Variants in TVP23C observed in about 807,000 individuals in gnomAD.
TVP23C encodes Golgi apparatus membrane protein TVP23 homolog C.
In TVP23C, 19 loss-of-function variants were observed where a neutral mutation model predicts 28.7. That is an observed-to-expected ratio of 0.66 (90% confidence interval 0.46 to 0.97). The LOEUF is 0.97. Among genes scored for constraint, TVP23C ranks in the 50% least tolerant of loss-of-function variants. The pLI is 0.00. For missense variants in TVP23C, 186 were observed against 241.3 expected, an observed-to-expected ratio of 0.77 and a Z score of 1.52; for synonymous variants, 68 against 81.7, an observed-to-expected ratio of 0.83 and a Z score of 0.90.
At chr17:15,550,365 G>A (rs755580425) in intron 3 of TVP23C, among the ~76,000 whole-genome samples, 5 of 152,284 alleles carry the variant, frequency 3.3e-5, no homozygotes, top group African/African-American at 9.6e-5. Flanking sequence ...CTTTGGAGTA[G>A]AAAATGTAGG....
chr17:15,533,260 G>T (rs1343541934), downstream of TVP23C, among the ~76,000 whole-genome samples: 2 of 152,216 alleles, frequency 1.3e-5, no homozygotes, highest in Non-Finnish European at 2.9e-5. Context: ...ACGGTAATGT[G>T]TAATTCAATC....
In TVP23C at chr17:15,538,994, G is replaced by T. The variant is rs998276400; in HGVS notation, c.*1418C>A. The T allele has an allele frequency of 1.0e-6, 1 of 985,696 alleles. No homozygotes were observed. The highest frequency in any genetic ancestry group is 1.2e-6 in the Non-Finnish European group (1 of 829,832). 61.1% of individuals were successfully genotyped at this position (985,696 alleles called of 1,614,324 possible). Reference sequence around the variant, plus strand: ...AAAAGAACAATAAATTTTGAGTACAGAGGGCTGGGTTTAAGATCTAGCTTT... The same window carrying T: ...AAAAGAACAATAAATTTTGAGTACATAGGGCTGGGTTTAAGATCTAGCTTT... On this transcript the variant is annotated 3_prime_UTR_variant, in exon 6 of 6. Coordinates refer to ENST00000518321, the MANE Select transcript of TVP23C (RefSeq NM_001135036.2).
chr17:15,503,337 C>T, intron 5 of TVP23C: 1 of 1,367,794 alleles, frequency 7.3e-7, no homozygotes. Flanking sequence ...CCCAGGAAGT[C>T]GAAGCTGCAA....
intron 5 of TVP23C, among the ~76,000 whole-genome samples, chr17:15,530,279 T>C (rs992677786): frequency 6.6e-6 from 1 of 152,186 alleles, no homozygotes; most frequent in Non-Finnish European, 1.5e-5. Context: ...TCATTTTGAT[T>C]TCCTTCTTGT....
chr17:15,510,111 C>T (rs1003465557), intron 5 of TVP23C, among the ~76,000 whole-genome samples: 2 of 152,188 alleles, frequency 1.3e-5, no homozygotes, highest in African/African-American at 4.8e-5. Flanking sequence ...TGTGTCTCTG[C>T]ATCGCCCATG....
At chr17:15,541,597 T>A (rs1309756035) in intron 5 of TVP23C, among the ~76,000 whole-genome samples, 1 of 152,130 alleles carries the variant, frequency 6.6e-6, no homozygotes, top group Admixed American at 6.5e-5. Flanking sequence ...AGATTTATTC[T>A]CCTTACCCTT....
intron 5 of TVP23C, among the ~76,000 whole-genome samples, chr17:15,521,614 C>T (rs1982483600): frequency 1.3e-5 from 2 of 152,022 alleles, no homozygotes; most frequent in African/African-American, 4.8e-5. Context: ...AAGAGAACCA[C>T]GTATATAGAG....
At chr17:15,519,404 C>T (rs538425891) in intron 5 of TVP23C, among the ~76,000 whole-genome samples, 2 of 151,786 alleles carry the variant, frequency 1.3e-5, no homozygotes, top group Non-Finnish European at 2.9e-5. Flanking sequence ...CCCAGGAGTT[C>T]GAGGCTGCAG....
Position 15,522,742 on chromosome 17 carries a change from T to C in TVP23C, c.463-19510A>G, listed in dbSNP as rs150544493. ...TTGGCTACATTTTTAAAAAAACTTATATAAGTCAAAACACTCCTGGCCAAG... is the reference window on the plus strand; with the variant it reads ...TTGGCTACATTTTTAAAAAAACTTACATAAGTCAAAACACTCCTGGCCAAG... On this transcript the variant is annotated intron_variant, in intron 5 of 5. Transcript: ENST00000225576. Among the ~76,000 whole-genome samples, 257 of 152,278 alleles carry C rather than the reference T, an allele frequency of 1.7e-3. 1 individual carries two copies. Among genetic ancestry groups the C allele is most frequent in the African/African-American group, 5.5e-3 (227 of 41,566 alleles).
intron 4 of TVP23C, 106 bp from the exon 5 acceptor site, chr17:15,546,022 C>T (rs58269369): frequency 0.1 from 150,067 of 1,460,566 alleles, 7,944 homozygotes; most frequent in African/African-American, 0.13. Flanking sequence ...TATTAATACA[C>T]ATAGCCCAAC....
chr17:15,561,771 G>A (rs1421471181), intron 1 of TVP23C, among the ~76,000 whole-genome samples: 1 of 152,232 alleles, frequency 6.6e-6, no homozygotes, highest in Non-Finnish European at 1.5e-5. Context: ...TTCAATAGGA[G>A]CTGGGTAAAA....
exon 6 of TVP23C, chr17:15,503,177 G>A: frequency 6.3e-7 from 1 of 1,581,282 alleles, no homozygotes; most frequent in Non-Finnish European, 8.6e-7. Flanking sequence ...GGAAGCGGGA[G>A]GATCTCTTGA....
intron 3 of TVP23C, among the ~76,000 whole-genome samples, chr17:15,550,363 T>G (rs1983833721): frequency 6.6e-6 from 1 of 152,218 alleles, no homozygotes; most frequent in South Asian, 2.1e-4. Flanking sequence ...TTCTTTGGAG[T>G]AGAAAATGTA....
At chr17:15,552,048 C>G (rs1983917282) in intron 3 of TVP23C, among the ~76,000 whole-genome samples, 1 of 152,076 alleles carries the variant, frequency 6.6e-6, no homozygotes, top group Non-Finnish European at 1.5e-5. Flanking sequence ...TAAACCTTAT[C>G]AGAAAATAAA....
chr17:15,543,736 C>A (rs976446168), intron 5 of TVP23C, among the ~76,000 whole-genome samples: 1 of 151,302 alleles, frequency 6.6e-6, no homozygotes, highest in Non-Finnish European at 1.5e-5. Context: ...CTGGAGCAGT[C>A]AACTTGTTTA....
At chr17:15,545,342 AGAG>A (rs1983595845) in intron 5 of TVP23C, among the ~76,000 whole-genome samples, 7 of 152,212 alleles carry the variant, frequency 4.6e-5, no homozygotes, top group Admixed American at 4.6e-4. Flanking sequence ...GACCTCATGA[AGAG>A]GAGATGGCTC....
At chr17:15,534,101 C>T (rs1286358933), downstream of TVP23C, among the ~76,000 whole-genome samples, 5 of 152,182 alleles carry the variant, frequency 3.3e-5, no homozygotes, top group East Asian at 9.7e-4. Flanking sequence ...AATCAGCTTC[C>T]AGCTGACAGC....
Position 15,539,628 on chromosome 17 carries a change from T to C in TVP23C, c.*784A>G, listed in dbSNP as rs547050734. 303 of 978,354 alleles carry C rather than the reference T, an allele frequency of 3.1e-4. No homozygotes were observed. Among genetic ancestry groups the C allele is most frequent in the Non-Finnish European group, 3.5e-4 (290 of 825,088 alleles). The allele number at this position is 978,354 out of a possible 1,614,324, so 60.6% of individuals were successfully genotyped here. A position where few individuals can be genotyped will look rare whatever the true frequency, so the allele number is the denominator to read the frequency against. On this transcript the variant is annotated 3_prime_UTR_variant, in exon 6 of 6. Transcript: ENST00000518321. ...AAGAAAAAAAAAAAAAAAGACCTAG[T>C]CACTTTTCCCAAGAGATTTAACCAA... is the stretch of plus-strand genomic sequence containing the variant.
chr17:15,521,799 C>T (rs1982492967), intron 5 of TVP23C, among the ~76,000 whole-genome samples: 1 of 152,190 alleles, frequency 6.6e-6, no homozygotes, highest in Non-Finnish European at 1.5e-5. Context: ...TAACGACAAA[C>T]ATATATTTGT....
Sources: gnomAD v4.1 joint callset for allele counts (sites outside exome capture counted in the v4.1 genomes callset) on GRCh38, gnomAD v4.1.1 for gene constraint, MANE v1.5 for transcripts, NCBI Gene and HGNC (gene_info 2026-07-23, HGNC 2026-07-21) for gene names.